Variants in RP1 observed in about 807,000 individuals in gnomAD.
The protein encoded by RP1 is oxygen-regulated protein 1.
In RP1, 16 loss-of-function variants were observed where a neutral mutation model predicts 14.8. That is an observed-to-expected ratio of 1.08 (90% CI 0.73 to 1.65). The LOEUF is 1.65. Ranked by LOEUF, RP1 falls within the 40% of genes most tolerant of loss-of-function variation. The pLI is 0.00. For missense variants in RP1, 2,631 were observed against 2,535.0 expected (o/e 1.04, Z -0.81); for synonymous variants, 876 against 883.6 (o/e 0.99, Z 0.15).
intron 24 of RP1, among the ~76,000 whole-genome samples, chr8:54,809,010 C>T (rs574059777): frequency 6.6e-6 from 1 of 152,210 alleles, no homozygotes; most frequent in Non-Finnish European, 1.5e-5. Flanking sequence ...GCTAAAAGCT[C>T]TAGTTCTACC....
At chr8:54,603,284 T>A (rs1415085393) in intron 1 of RP1, among the ~76,000 whole-genome samples, 1 of 152,006 alleles carries the variant, frequency 6.6e-6, no homozygotes, top group Non-Finnish European at 1.5e-5. Context: ...GCACCATTTA[T>A]TAAATAGGGA....
intron 24 of RP1, among the ~76,000 whole-genome samples, chr8:54,797,651 T>A (rs903691751): frequency 1.6e-4 from 25 of 152,278 alleles, no homozygotes; most frequent in African/African-American, 5.1e-4. Context: ...CAATTTCAGA[T>A]AACCCTTCTT....
At chr8:54,859,218 C>G (rs1367647835) in intron 27 of RP1, among the ~76,000 whole-genome samples, 2 of 150,918 alleles carry the variant, frequency 1.3e-5, no homozygotes, top group Non-Finnish European at 3.0e-5. Flanking sequence ...TGGAGCAGCA[C>G]TGTCACTGTA....
chr8:54,804,962 G>A (rs10110374), intron 24 of RP1, among the ~76,000 whole-genome samples: 1 of 152,070 alleles, frequency 6.6e-6, no homozygotes, highest in African/African-American at 2.4e-5. Flanking sequence ...ATAAATATGG[G>A]TGTAGCTTTC....
chr8:54,643,385 G>T (rs146973069), intron 3 of RP1, among the ~76,000 whole-genome samples: 34 of 152,260 alleles, frequency 2.2e-4, no homozygotes, highest in Admixed American at 2.1e-3. Context: ...CCCTAGGAAA[G>T]AACTCATTTG....
intron 16 of RP1, among the ~76,000 whole-genome samples, chr8:54,722,340 G>T (rs113506822): frequency 6.6e-6 from 1 of 150,390 alleles, no homozygotes; most frequent in African/African-American, 2.4e-5. Context: ...GCGCTATCTC[G>T]GCTCACTGCA....
intron 7 of RP1, among the ~76,000 whole-genome samples, chr8:54,664,486 G>A (rs1806970744): frequency 6.6e-6 from 1 of 152,108 alleles, no homozygotes; most frequent in Non-Finnish European, 1.5e-5. Flanking sequence ...TTGCATAGCA[G>A]TTGTACCATT....
At chr8:54,688,926 G>C (rs1194584018) in intron 12 of RP1, among the ~76,000 whole-genome samples, 5 of 152,270 alleles carry the variant, frequency 3.3e-5, no homozygotes, top group African/African-American at 1.2e-4. Context: ...TCACGATATT[G>C]ATTCTTCCTA....
chr8:54,646,452 G>A (rs1299713345), intron 3 of RP1, among the ~76,000 whole-genome samples: 1 of 152,038 alleles, frequency 6.6e-6, no homozygotes, highest in Non-Finnish European at 1.5e-5. Flanking sequence ...TAGATTACAA[G>A]CTAATGGAAG....
At position 54,856,621 on chromosome 8, in the gene RP1, C is replaced by T. The variant is rs149844986; in HGVS notation, c.3991-407C>T. Among the ~76,000 whole-genome samples, 826 of 152,212 alleles carry T rather than the reference C, an allele frequency of 5.4e-3. 29 individuals carry two copies. Among genetic ancestry groups the T allele is most frequent in the Admixed American group, 0.044 (669 of 15,276 alleles). On this transcript the variant is annotated intron_variant, in intron 26 of 28. Transcript: ENST00000637698. The stretch of plus-strand genomic sequence containing the variant: ...TTAACTCTAGGTGCCTCAGTCTCTT[C>T]GACTGTGAAATGAGAAAGTGAGTAG...
In RP1 at chr8:54,628,211, G is replaced by A. The variant is rs551846676; in HGVS notation, c.4329G>A (p.Arg1443=). 6.2e-7 allele frequency: 1 copy of A among 1,613,992 alleles called. No homozygotes were observed. The highest frequency in any genetic ancestry group is 2.2e-5 in the East Asian group (1 of 44,862). ...CTTCCTTTGATATGGAAGAACCACG[G>A]ACTTCTGAAGAACCAGGCTCAATAA... ...AYTSFDMEEP[R]TSEEPGSITN... Residue 1443 remains arginine (R), a synonymous_variant, in exon 4 of 4, where the codon CGG becomes CGA. Transcript: ENST00000220676.
Position 54,854,722 on chromosome 8 carries a change from G to T in RP1, c.3990+1994G>T, listed in dbSNP as rs563738461. On this transcript the variant is annotated intron_variant, in intron 26 of 28. Coordinates refer to the RP1 transcript ENST00000637698. ...TTTACTGAAAATACAAAAATTAGCC[G>T]GGCGTGGCGGCAGGCGCCTGTAGTC... is the stretch of plus-strand genomic sequence containing the variant. 7.2e-5 allele frequency among the ~76,000 whole-genome samples: 11 copies of T among 152,162 alleles called. No homozygotes were observed. The South Asian group carries it at 2.3e-3, about 32-fold the overall frequency.
intron 24 of RP1, among the ~76,000 whole-genome samples, chr8:54,804,143 T>TC (rs1810788272): frequency 6.7e-6 from 1 of 149,870 alleles, no homozygotes; most frequent in African/African-American, 2.4e-5. Flanking sequence ...ATTACATATG[T>TC]GGGGGGGGGC....
At chr8:54,861,247 C>T (rs537131476) in intron 27 of RP1, among the ~76,000 whole-genome samples, 1 of 152,238 alleles carries the variant, frequency 6.6e-6, no homozygotes, top group South Asian at 2.1e-4. Context: ...CTGTGTTCAC[C>T]TCTCCCACAA....
chr8:54,688,630 T>C (rs1257650854), intron 12 of RP1, among the ~76,000 whole-genome samples: 1 of 152,122 alleles, frequency 6.6e-6, no homozygotes, highest in Non-Finnish European at 1.5e-5. Context: ...TGTAGATGTG[T>C]GGTGTTATTT....
At chr8:54,717,763 A>G (rs973279759) in intron 15 of RP1, among the ~76,000 whole-genome samples, 24 of 152,144 alleles carry the variant, frequency 1.6e-4, no homozygotes, top group Admixed American at 1.3e-3. Flanking sequence ...GAAAAAGGAA[A>G]CAAAATGTAT....
At chr8:54,869,792 C>T in intron 28 of RP1, 1 of 708,564 alleles carries the variant, frequency 1.4e-6, no homozygotes, top group Admixed American at 4.3e-5. Context: ...ACTAATGAGC[C>T]TCCTTTCAAT....
intron 22 of RP1, chr8:54,759,190 G>A (rs372900514): frequency 1.1e-4 from 118 of 1,105,288 alleles, no homozygotes; most frequent in African/African-American, 2.5e-4. Flanking sequence ...TTTAGGTCAC[G>A]GATTTGTTTC....
At chr8:54,619,760 A>C (rs1235881820) in intron 1 of RP1, among the ~76,000 whole-genome samples, 2 of 152,218 alleles carry the variant, frequency 1.3e-5, no homozygotes, top group East Asian at 1.9e-4. Context: ...GTGTTTCCCA[A>C]AGTAAGATAA....
Sources: gnomAD v4.1 joint callset for allele counts (sites outside exome capture counted in the v4.1 genomes callset) on GRCh38, gnomAD v4.1.1 for gene constraint, MANE v1.5 for transcripts, NCBI Gene and HGNC (gene_info 2026-07-23, HGNC 2026-07-21) for gene names.